DIP2B: variants seen among roughly 807,000 people sequenced by gnomAD.
DIP2B encodes the protein DIP2 acetate--CoA ligase B (putative), also known as disco-interacting protein 2 homolog B.
DIP2B carries 76 observed loss-of-function variants against 198.0 expected under a neutral mutation model. The observed-to-expected ratio is 0.38, with a 90% CI of 0.32 to 0.46. The LOEUF (loss-of-function observed/expected upper bound fraction) is 0.46. DIP2B is among the 20% of genes least tolerant of loss of function. DIP2B has a pLI of 0.99. For synonymous variants in DIP2B, 701 were observed against 739.1 expected (o/e 0.95, Z 0.84); for missense variants, 1,559 against 1,978.4 (o/e 0.79, Z 4.02).
chr12:50,546,902 A>G lies in DIP2B; in HGVS notation c.100+41662A>G, dbSNP rs1207858307. On this transcript the variant is annotated intron_variant, in intron 1 of 37. Coordinates refer to ENST00000301180, the MANE Select transcript of DIP2B (RefSeq NM_173602.3). ...GTTATAACTGGTTTTATGTATAAAT[A>G]ATTTAGAAACACATTACCTATAATA... Among the ~76,000 whole-genome samples, 3 of 152,242 alleles carry G rather than the reference A, an allele frequency of 2.0e-5. No homozygotes were observed. In the East Asian group the frequency reaches 5.8e-4, roughly 29 times the overall value.
chr12:50,652,185 C>A (rs1165052400), intron 3 of DIP2B, among the ~76,000 whole-genome samples: 2 of 151,932 alleles, frequency 1.3e-5, no homozygotes, highest in Non-Finnish European at 2.9e-5. Context: ...TTGTAGCAGG[C>A]ACCTCTAATC....
chr12:50,534,301 T>C (rs1234520353), intron 1 of DIP2B, among the ~76,000 whole-genome samples: 1 of 152,022 alleles, frequency 6.6e-6, no homozygotes, highest in East Asian at 1.9e-4. Context: ...TATGTATGTG[T>C]GTCTAAAAAA....
intron 22 of DIP2B, among the ~76,000 whole-genome samples, chr12:50,712,982 T>G (rs1333664718): frequency 6.6e-6 from 1 of 152,202 alleles, no homozygotes; most frequent in African/African-American, 2.4e-5. Context: ...ATAGAAAATA[T>G]CTAAGTATGT....
At chr12:50,557,106 C>G (rs913089827) in intron 1 of DIP2B, among the ~76,000 whole-genome samples, 1 of 152,182 alleles carries the variant, frequency 6.6e-6, no homozygotes, top group African/African-American at 2.4e-5. Context: ...CTCCGCTTCC[C>G]AAAGTGCTGG....
intron 1 of DIP2B, among the ~76,000 whole-genome samples, chr12:50,583,079 A>G (rs184081921): frequency 6.6e-6 from 1 of 152,352 alleles, no homozygotes; most frequent in Admixed American, 6.5e-5. Context: ...GTAGGATTCC[A>G]TGTAGACATA....
chr12:50,626,913 G>A (rs1438605884), intron 2 of DIP2B, among the ~76,000 whole-genome samples: 2 of 151,936 alleles, frequency 1.3e-5, no homozygotes, highest in Non-Finnish European at 2.9e-5. Context: ...ATAAATAATG[G>A]TGATATACCA....
chr12:50,712,865 G>C (rs1392526942), intron 22 of DIP2B, among the ~76,000 whole-genome samples: 2 of 152,122 alleles, frequency 1.3e-5, no homozygotes, highest in Non-Finnish European at 2.9e-5. Flanking sequence ...CTGAGATCAC[G>C]CCATCGGACT....
At chr12:50,521,946 A>AAAC (rs1260441689) in intron 1 of DIP2B, among the ~76,000 whole-genome samples, 2 of 150,682 alleles carry the variant, frequency 1.3e-5, no homozygotes, top group African/African-American at 4.9e-5. Context: ...CCCAGCCCCC[A>AAAC]AACATTTTTT....
At chr12:50,660,662 C>A (rs1443168276) in intron 4 of DIP2B, among the ~76,000 whole-genome samples, 1 of 152,072 alleles carries the variant, frequency 6.6e-6, no homozygotes, top group African/African-American at 2.4e-5. Context: ...TCATTGTCAC[C>A]CAATATACTA....
chr12:50,576,146 T>G (rs10747585), intron 1 of DIP2B, among the ~76,000 whole-genome samples: 36,964 of 151,096 alleles, frequency 0.24, 5,303 homozygotes, highest in East Asian at 0.39. Context: ...CTCGGCTTAC[T>G]ACAACCTCCG....
intron 5 of DIP2B, among the ~76,000 whole-genome samples, chr12:50,671,640 A>G (rs574431996): frequency 1.6e-4 from 25 of 152,342 alleles, no homozygotes; most frequent in African/African-American, 5.8e-4. Flanking sequence ...CTATTTCCAT[A>G]AGCAATGCTC....
At chr12:50,647,853 A>G (rs1253407872) in intron 3 of DIP2B, among the ~76,000 whole-genome samples, 1 of 152,142 alleles carries the variant, frequency 6.6e-6, no homozygotes, top group African/African-American at 2.4e-5. Flanking sequence ...AGTGGCTCAC[A>G]CCTGTAATCC....
rs111995882 is a variant in DIP2B at position 50,606,080 on chromosome 12, C to T, written c.101-19896C>T. ...TCAAGCAGTTCACCCATCTTGGCCT[C>T]CCAAAGTGCTAGGATTACAGGCATG... is the stretch of plus-strand genomic sequence containing the variant. On this transcript the variant is annotated intron_variant, in intron 1 of 37. Transcript: ENST00000301180. Among the ~76,000 whole-genome samples, 1,462 of 152,306 alleles carry T rather than the reference C, an allele frequency of 9.6e-3. 15 individuals carry two copies. Among genetic ancestry groups the T allele is most frequent in the Middle Eastern group, 0.065 (19 of 294 alleles).
chr12:50,579,518 A>G (rs1214065903), intron 1 of DIP2B, among the ~76,000 whole-genome samples: 1 of 146,186 alleles, frequency 6.8e-6, no homozygotes, highest in African/African-American at 2.5e-5. Flanking sequence ...AGGCTGAGGC[A>G]GGAAAATCAC....
intron 1 of DIP2B, among the ~76,000 whole-genome samples, chr12:50,525,584 C>A (rs1289246932): frequency 6.7e-6 from 1 of 149,052 alleles, no homozygotes; most frequent in Non-Finnish European, 1.5e-5. Context: ...GTACATGGAG[C>A]TCACTGCAGC....
intron 1 of DIP2B, among the ~76,000 whole-genome samples, chr12:50,516,000 C>T (rs991270131): frequency 1.3e-5 from 2 of 152,098 alleles, no homozygotes; most frequent in Non-Finnish European, 2.9e-5. Context: ...AAATTTATTG[C>T]TCACAGTTTG....
chr12:50,734,326 A>C (rs1940100102), intron 33 of DIP2B, 130 bp downstream of exon 33: 2 of 904,390 alleles, frequency 2.2e-6, no homozygotes, highest in African/African-American at 1.7e-5. Flanking sequence ...AGAGGGAAGG[A>C]ATTTGTTTTT....
Position 50,671,164 on chromosome 12 carries a change from C to T in DIP2B, c.428-22C>T, listed in dbSNP as rs373975269. ...CTGTTCTAGGTAGGATCGAGAACTT[C>T]TTTTTTTCTAATTCCACACAGACAC... On this transcript the variant is annotated intron_variant, in intron 4 of 37. Transcript: ENST00000301180. 221 of 1,611,620 alleles carry T rather than the reference C, an allele frequency of 1.4e-4. 1 individual carries two copies. In the African/African-American group the frequency reaches 2.5e-3, roughly 18 times the overall value.
intron 1 of DIP2B, among the ~76,000 whole-genome samples, chr12:50,611,663 A>G (rs914641987): frequency 4.0e-5 from 6 of 151,674 alleles, no homozygotes; most frequent in African/African-American, 1.5e-4. Context: ...TTCTCTTTTT[A>G]CCTACCCCCA....
Sources: allele counts gnomAD v4.1 joint callset (sites outside exome capture counted in the v4.1 genomes callset), GRCh38; gene constraint gnomAD v4.1.1; transcripts MANE v1.5; gene names NCBI Gene and HGNC (gene_info 2026-07-23, HGNC 2026-07-21).